SYBU: variants seen among roughly 807,000 people sequenced by gnomAD.
SYBU encodes the protein GOLSYN A protein.
Under a neutral mutation model 35.9 loss-of-function variants are expected in SYBU, and 21 were observed. The ratio of observed to expected loss-of-function variants is 0.58; its 90% CI spans 0.41 to 0.84. The LOEUF (loss-of-function observed/expected upper bound fraction) is 0.84. SYBU is among the 40% of genes least tolerant of loss of function. SYBU has a pLI of 0.00. For synonymous variants in SYBU, 319 were observed against 324.3 expected, an observed-to-expected ratio of 0.98 and a Z score of 0.18; for missense variants, 768 against 848.2, an observed-to-expected ratio of 0.91 and a Z score of 1.17.
chr8:109,690,831 A>C (rs916812086), intron 1 of SYBU, among the ~76,000 whole-genome samples: 1 of 152,176 alleles, frequency 6.6e-6, no homozygotes. Context: ...ATAGTCTTTA[A>C]GAAAGTTTCT....
chr8:109,597,456 G>A (rs979112683), intron 3 of SYBU, among the ~76,000 whole-genome samples: 8 of 152,078 alleles, frequency 5.3e-5, no homozygotes, highest in Admixed American at 1.3e-4. Flanking sequence ...AGTGGCTCCC[G>A]TCTGTAATCC....
At chr8:109,597,716 A>C (rs1825054720) in intron 3 of SYBU, among the ~76,000 whole-genome samples, 1 of 152,176 alleles carries the variant, frequency 6.6e-6, no homozygotes, top group African/African-American at 2.4e-5. Flanking sequence ...CCTGTCTCAA[A>C]AAAAAGTTTT....
At chr8:109,656,031 G>A (rs184308742) in intron 1 of SYBU, among the ~76,000 whole-genome samples, 6 of 152,128 alleles carry the variant, frequency 3.9e-5, no homozygotes, top group African/African-American at 1.4e-4. Context: ...CAGGAGAATC[G>A]CTTGAACCCA....
chr8:109,575,427 C>A lies in SYBU; in HGVS notation c.1471G>T (p.Asp491Tyr), dbSNP rs1186820291. The A allele has an allele frequency of 6.2e-7, 1 of 1,614,084 alleles. No homozygotes were observed. Among genetic ancestry groups the A allele is most frequent in the East Asian group, 2.2e-5 (1 of 44,846 alleles). ...SVVVERAVQT[D>Y]VVPYSPAISE... The stretch of plus-strand genomic sequence containing the variant: ...ATGGCTGGGCTGTAGGGCACCACGT[C>A]GGTCTGAACGGCTCGCTCCACCACC... The change falls in exon 7 of 7, where the codon GAC becomes TAC. Residue 491 changes from aspartate (D) to tyrosine (Y), a missense_variant. Coordinates refer to ENST00000276646, the MANE Select transcript of SYBU (RefSeq NM_001099754.2).
rs544320108 is a variant in SYBU, at chr8:109,638,015, G to A, written c.229+4713C>T. Among the ~76,000 whole-genome samples the A allele has an allele frequency of 2.5e-4, 38 of 152,254 alleles. 1 individual carries two copies. Among genetic ancestry groups the A allele is most frequent in the Admixed American group, 2.2e-3 (33 of 15,294 alleles). On this transcript the variant is annotated intron_variant, in intron 2 of 6. Coordinates refer to ENST00000276646, the MANE Select transcript of SYBU (RefSeq NM_001099754.2). ...TTGACCTGGTACATGTATTTAATGC[G>A]TTAAGTCGCACACTTGCCTGTGTAT...
At chr8:109,596,798 C>T (rs901666421) in intron 3 of SYBU, among the ~76,000 whole-genome samples, 1 of 151,926 alleles carries the variant, frequency 6.6e-6, no homozygotes, top group African/African-American at 2.4e-5. Flanking sequence ...GCTAGATTTT[C>T]CATTCTGATA....
intron 2 of SYBU, among the ~76,000 whole-genome samples, chr8:109,629,988 G>C (rs1225548305): frequency 1.3e-5 from 2 of 151,718 alleles, no homozygotes; most frequent in Non-Finnish European, 2.9e-5. Flanking sequence ...TTTTTGATGG[G>C]GTTGTTTGTT....
chr8:109,675,347 C>T lies in SYBU; in HGVS notation c.-129+5364G>A, dbSNP rs183004448. Reference sequence around the variant, plus strand: ...AGCCCTTCAAAAAATCAATGAATTCCGGAGCTGGTTTTTTGAAAAGATTAA... The same window carrying T: ...AGCCCTTCAAAAAATCAATGAATTCTGGAGCTGGTTTTTTGAAAAGATTAA... On this transcript the variant is annotated intron_variant, in intron 1 of 5. Transcript: ENST00000408889. 3.9e-3 allele frequency among the ~76,000 whole-genome samples: 594 copies of T among 152,082 alleles called. 6 individuals carry two copies. Among genetic ancestry groups the T allele is most frequent in the African/African-American group, 0.014 (567 of 41,490 alleles).
chr8:109,669,486 T>A (rs2130760606), intron 1 of SYBU, among the ~76,000 whole-genome samples: 1 of 152,244 alleles, frequency 6.6e-6, no homozygotes, highest in South Asian at 2.1e-4. Flanking sequence ...CGTGTTGAAG[T>A]TTAGCTGGTA....
chr8:109,575,929 G>T lies in SYBU; in HGVS notation c.969C>A (p.Ala323=), dbSNP rs923111225. 75 of 1,613,270 alleles carry T rather than the reference G, an allele frequency of 4.6e-5. No individual in the cohort carries two copies. Among genetic ancestry groups the T allele is most frequent in the Non-Finnish European group, 6.2e-5 (73 of 1,179,956 alleles). The change falls in exon 7 of 7, where the codon GCC becomes GCA. Residue 323 remains alanine (A), a synonymous_variant. Coordinates refer to ENST00000276646, the MANE Select transcript of SYBU (RefSeq NM_001099754.2). ...WIEEECHRVE[A]QLALKEARKE... ...TCCTGGCTTCTTTGAGTGCCAACTGGGCCTCTACCCGGTGACACTCCTCCT... is the reference window on the plus strand; with the variant it reads ...TCCTGGCTTCTTTGAGTGCCAACTGTGCCTCTACCCGGTGACACTCCTCCT...
At position 109,640,819 on chromosome 8, in the gene SYBU, C is replaced by CAAA. The variant is rs33993476; in HGVS notation, c.229+1906_229+1908dup. Among the ~76,000 whole-genome samples the CAAA allele has an allele frequency of 3.4e-3, 281 of 82,040 alleles. 1 individual carries two copies. The highest frequency in any genetic ancestry group is 0.01 in the African/African-American group (254 of 24,844). The allele number at this position is 82,040 out of a possible 152,430, so 53.8% of individuals were successfully genotyped here. A position where few individuals can be genotyped will look rare whatever the true frequency, so the allele number is the denominator to read the frequency against. On this transcript the variant is annotated intron_variant, in intron 2 of 6. Transcript: ENST00000276646. ...AAATTGTTAGCAAAAAATTAGTTAGCAAAAAAAAAAAAAAAAAAAGTAGGC... is the reference window on the plus strand; with the variant it reads ...AAATTGTTAGCAAAAAATTAGTTAGCAAAAAAAAAAAAAAAAAAAAAAGTAGGC...
At chr8:109,668,058 T>A (rs1375435216) in intron 1 of SYBU, among the ~76,000 whole-genome samples, 4 of 151,200 alleles carry the variant, frequency 2.6e-5, no homozygotes, top group Non-Finnish European at 5.9e-5. Context: ...TAGAGTCTTG[T>A]CATATTTTCC....
At chr8:109,651,054 A>G (rs1370606638) in intron 1 of SYBU, among the ~76,000 whole-genome samples, 1 of 152,202 alleles carries the variant, frequency 6.6e-6, no homozygotes, top group African/African-American at 2.4e-5. Context: ...TCAGATTATC[A>G]GGGACTGATC....
chr8:109,684,201 T>C (rs781469273), upstream of SYBU, among the ~76,000 whole-genome samples: 24 of 152,246 alleles, frequency 1.6e-4, no homozygotes, highest in Admixed American at 3.3e-4. Context: ...CTATTGGGCT[T>C]AGTTAACTTT....
intron 2 of SYBU, among the ~76,000 whole-genome samples, chr8:109,635,671 G>A (rs1814146116): frequency 6.6e-6 from 1 of 151,946 alleles, no homozygotes; most frequent in South Asian, 2.1e-4. Context: ...ATTTATAGTT[G>A]GTGTCTAGAC....
At chr8:109,645,635 T>TTTG (rs1815608613), upstream of SYBU, 1 of 252,608 alleles carries the variant, frequency 4.0e-6, no homozygotes, top group South Asian at 4.4e-5. Flanking sequence ...CGTTTTTTGT[T>TTTG]TTTTTTTTTT....
At chr8:109,666,222 C>A (rs1816746797) in intron 1 of SYBU, among the ~76,000 whole-genome samples, 1 of 152,130 alleles carries the variant, frequency 6.6e-6, no homozygotes, top group African/African-American at 2.4e-5. Context: ...ACAACATATT[C>A]TTTGAAAGTT....
chr8:109,618,078 C>A (rs1586845671), intron 3 of SYBU, among the ~76,000 whole-genome samples: 1 of 152,172 alleles, frequency 6.6e-6, no homozygotes, highest in Admixed American at 6.5e-5. Context: ...GTCTTTTCAG[C>A]TCATAAATAT....
chr8:109,670,071 T>C (rs1360311955), intron 1 of SYBU, among the ~76,000 whole-genome samples: 1 of 152,038 alleles, frequency 6.6e-6, no homozygotes, highest in Non-Finnish European at 1.5e-5. Context: ...TGTTATTAGC[T>C]GTCAGTAATG....
Sources: allele counts gnomAD v4.1 joint callset (sites outside exome capture counted in the v4.1 genomes callset), GRCh38; gene constraint gnomAD v4.1.1; transcripts MANE v1.5; gene names NCBI Gene and HGNC (gene_info 2026-07-23, HGNC 2026-07-21).